ROBO2: variants seen among roughly 807,000 people sequenced by gnomAD.
ROBO2 encodes the protein roundabout homolog 2.
Under a neutral mutation model 160.8 loss-of-function variants are expected in ROBO2, and 53 were observed. That is an observed-to-expected ratio of 0.33 (90% CI 0.26 to 0.41). ROBO2 has a LOEUF of 0.41. Ranked by LOEUF, ROBO2 falls within the 10% of genes least tolerant of loss-of-function variation. The pLI is 1.00. For synonymous variants in ROBO2, 664 were observed against 611.7 expected, an observed-to-expected ratio of 1.09 and a Z score of -1.26; for missense variants, 1,577 against 1,722.4, an observed-to-expected ratio of 0.92 and a Z score of 1.49.
At chr3:76,510,322 G>A (rs1437747154) in intron 2 of ROBO2, among the ~76,000 whole-genome samples, 1 of 152,212 alleles carries the variant, frequency 6.6e-6, no homozygotes. Context: ...ATGTAAGTGT[G>A]AAATGTCTTA....
At chr3:77,081,524 G>A (rs564906799) in intron 1 of ROBO2, among the ~76,000 whole-genome samples, 22 of 152,318 alleles carry the variant, frequency 1.4e-4, no homozygotes, top group Non-Finnish European at 2.6e-4. Context: ...CAAATCCTGT[G>A]ATGCAAGAAG....
chr3:76,706,303 T>A (rs1479280431), intron 2 of ROBO2, among the ~76,000 whole-genome samples: 1 of 152,118 alleles, frequency 6.6e-6, no homozygotes, highest in African/African-American at 2.4e-5. Context: ...TTTGTTCCAG[T>A]AAATATTTGC....
At chr3:75,944,288 G>A (rs201578916) in intron 2 of ROBO2, among the ~76,000 whole-genome samples, 2 of 152,148 alleles carry the variant, frequency 1.3e-5, no homozygotes, top group African/African-American at 4.8e-5. Context: ...GAAACCAAGA[G>A]ATTCCAAATA....
intron 2 of ROBO2, among the ~76,000 whole-genome samples, chr3:77,360,067 C>T (rs2069707246): frequency 6.6e-6 from 1 of 152,116 alleles, no homozygotes. Flanking sequence ...TGCTGTGTTC[C>T]AGCATTGCTA....
intron 2 of ROBO2, among the ~76,000 whole-genome samples, chr3:76,764,584 C>A (rs184581654): frequency 6.6e-6 from 1 of 151,832 alleles, no homozygotes; most frequent in African/African-American, 2.4e-5. Context: ...TCTTTTACTA[C>A]CACTTATATA....
chr3:77,470,908 A>C (rs1336338699), intron 2 of ROBO2, among the ~76,000 whole-genome samples: 1 of 152,210 alleles, frequency 6.6e-6, no homozygotes, highest in Non-Finnish European at 1.5e-5. Context: ...GCCGGCAGGA[A>C]AGACTTGTGT....
rs144922971 is a variant in ROBO2, at chr3:76,530,403, T to G, written c.110-567611T>G. ...TATTACCAGGCAGACAGGCAGTAGC[T>G]CAATCCCAGTAGTGTTCCTCCGAAT... On this transcript the variant is annotated intron_variant, in intron 2 of 26. Coordinates refer to the ROBO2 transcript ENST00000487694. Among the ~76,000 whole-genome samples the G allele has an allele frequency of 3.1e-3, 467 of 152,250 alleles. 3 individuals are homozygous for G. The highest frequency in any genetic ancestry group is 0.011 in the African/African-American group (459 of 41,552).
intron 2 of ROBO2, among the ~76,000 whole-genome samples, chr3:76,905,019 C>T (rs2148895393): frequency 6.6e-6 from 1 of 152,254 alleles, no homozygotes; most frequent in East Asian, 1.9e-4. Context: ...CAGGCTACCT[C>T]CAAACTTTTT....
intron 2 of ROBO2, among the ~76,000 whole-genome samples, chr3:76,428,860 C>T (rs1389268100): frequency 6.6e-6 from 1 of 152,120 alleles, no homozygotes; most frequent in Non-Finnish European, 1.5e-5. Flanking sequence ...GAGCTGCCGA[C>T]AGTCATCTTC....
chr3:76,286,706 C>G lies in ROBO2; in HGVS notation c.109+349104C>G, dbSNP rs564596072. On this transcript the variant is annotated intron_variant, in intron 2 of 26. Transcript: ENST00000487694. ...GGTGTTGTTTTGTTTTGGAAAGGTG[C>G]TGTAAAAATATAATTTAGGAATAAA... is the stretch of plus-strand genomic sequence containing the variant. 4.6e-5 allele frequency among the ~76,000 whole-genome samples: 7 copies of G among 152,124 alleles called. No individual in the cohort carries two copies. The South Asian group carries it at 1.5e-3, about 32-fold the overall frequency.
chr3:76,579,925 C>A (rs1204364492), intron 2 of ROBO2, among the ~76,000 whole-genome samples: 1 of 152,102 alleles, frequency 6.6e-6, no homozygotes, highest in Non-Finnish European at 1.5e-5. Flanking sequence ...CACTCAAATA[C>A]CAACCTGATT....
At chr3:77,566,642 A>G (rs17015352) in intron 12 of ROBO2, among the ~76,000 whole-genome samples, 3,401 of 152,172 alleles carry the variant, frequency 0.022, 127 homozygotes, top group African/African-American at 0.077. Context: ...TTCGATAACT[A>G]TGCTAGTCAC....
At chr3:76,795,989 G>C (rs561177733) in intron 2 of ROBO2, among the ~76,000 whole-genome samples, 2 of 152,228 alleles carry the variant, frequency 1.3e-5, no homozygotes, top group South Asian at 2.1e-4. Flanking sequence ...GAACTCTTGA[G>C]TGACTAGGTG....
At chr3:76,135,607 G>A (rs746750751) in intron 2 of ROBO2, among the ~76,000 whole-genome samples, 2 of 152,044 alleles carry the variant, frequency 1.3e-5, no homozygotes, top group Non-Finnish European at 2.9e-5. Context: ...TAGAGGAATC[G>A]GCCCATGAGG....
intron 2 of ROBO2, among the ~76,000 whole-genome samples, chr3:77,268,874 T>C (rs771056545): frequency 3.9e-5 from 6 of 152,208 alleles, no homozygotes; most frequent in Non-Finnish European, 7.3e-5. Context: ...CACCAGTGCA[T>C]AGCCCATCTG....
chr3:76,513,134 A>C (rs1192789648), intron 2 of ROBO2, among the ~76,000 whole-genome samples: 1 of 152,178 alleles, frequency 6.6e-6, no homozygotes, highest in Non-Finnish European at 1.5e-5. Flanking sequence ...GAACAGTAGC[A>C]AGGGGTAAAT....
chr3:76,148,405 A>G (rs1365888155), intron 2 of ROBO2, among the ~76,000 whole-genome samples: 1 of 151,980 alleles, frequency 6.6e-6, no homozygotes, highest in African/African-American at 2.4e-5. Flanking sequence ...TTTCCTGTAT[A>G]TGGTCTAAGT....
intron 2 of ROBO2, among the ~76,000 whole-genome samples, chr3:76,438,953 G>A (rs962505442): frequency 6.6e-6 from 1 of 151,986 alleles, no homozygotes; most frequent in South Asian, 2.1e-4. Flanking sequence ...GAAAGTTGTG[G>A]TTTGAGAACA....
chr3:76,578,479 C>T (rs1355253649), intron 2 of ROBO2, among the ~76,000 whole-genome samples: 1 of 152,108 alleles, frequency 6.6e-6, no homozygotes, highest in Non-Finnish European at 1.5e-5. Flanking sequence ...CTCTACTAAA[C>T]TGTTCTTTTT....
Sources: allele counts gnomAD v4.1 joint callset (sites outside exome capture counted in the v4.1 genomes callset), GRCh38; gene constraint gnomAD v4.1.1; transcripts MANE v1.5; gene names NCBI Gene and HGNC (gene_info 2026-07-23, HGNC 2026-07-21).